The following AKAP6 variants were observed in gnomAD, a reference collection of about 807,000 sequenced individuals.
AKAP6 encodes A-kinase anchor protein 6.
AKAP6 carries 58 observed loss-of-function variants against 188.5 expected under a neutral mutation model. The ratio of observed to expected loss-of-function variants is 0.31; its 90% CI spans 0.25 to 0.38. AKAP6 has a LOEUF of 0.38. Ranked by LOEUF, AKAP6 falls within the 10% of genes least tolerant of loss-of-function variation. The pLI, the probability that AKAP6 is intolerant of heterozygous loss-of-function variation, is 1.00. For synonymous variants in AKAP6, 989 were observed against 998.6 expected, an observed-to-expected ratio of 0.99 and a Z score of 0.18; for missense variants, 2,710 against 2,740.0, an observed-to-expected ratio of 0.99 and a Z score of 0.24.
chr14:32,657,487 T>A (rs1888504853), intron 7 of AKAP6, among the ~76,000 whole-genome samples: 1 of 152,182 alleles, frequency 6.6e-6, no homozygotes, highest in South Asian at 2.1e-4. Flanking sequence ...TTTGAGATTT[T>A]CAGTTTAGAT....
At position 32,465,014 on chromosome 14, in the gene AKAP6, A is replaced by T. The variant is rs530324000; in HGVS notation, c.324+31197A>T. 1.3e-4 allele frequency among the ~76,000 whole-genome samples: 20 copies of T among 152,246 alleles called. No homozygotes were observed. In the East Asian group the frequency reaches 3.5e-3, roughly 26 times the overall value. On this transcript the variant is annotated intron_variant, in intron 2 of 13. Transcript: ENST00000280979. ...ACTGCTACAAAGAGAATAAAATACC[A>T]AGAAATAAAACTTACAAGGGATGCG...
chr14:32,781,124 G>GA (rs1253091766), intron 12 of AKAP6, among the ~76,000 whole-genome samples: 2 of 150,932 alleles, frequency 1.3e-5, no homozygotes, highest in East Asian at 1.9e-4. Context: ...AAATAATAAA[G>GA]AAAAAAATCA....
intron 2 of AKAP6, among the ~76,000 whole-genome samples, chr14:32,466,155 G>A (rs975773469): frequency 6.6e-6 from 1 of 152,192 alleles, no homozygotes. Flanking sequence ...AGCCATTGTG[G>A]AAGACAGTGT....
chr14:32,748,487 A>G (rs2031998999), intron 11 of AKAP6, among the ~76,000 whole-genome samples: 1 of 152,192 alleles, frequency 6.6e-6, no homozygotes, highest in South Asian at 2.1e-4. Context: ...AAAGCATGAA[A>G]CTGTACTTTC....
chr14:32,476,227 A>G (rs1879059711), intron 2 of AKAP6, among the ~76,000 whole-genome samples: 1 of 152,160 alleles, frequency 6.6e-6, no homozygotes, highest in Non-Finnish European at 1.5e-5. Flanking sequence ...AGTAAACACA[A>G]GTGACAAAAA....
At chr14:32,821,347 T>G (rs2034512783) in intron 12 of AKAP6, 55 bp from the exon 13 acceptor site, 3 of 1,511,842 alleles carry the variant, frequency 2.0e-6, no homozygotes, top group Non-Finnish European at 2.7e-6. Flanking sequence ...TGGATAAAAT[T>G]TTCATGCTTG....
At chr14:32,775,948 T>A (rs1361857915) in intron 12 of AKAP6, among the ~76,000 whole-genome samples, 4 of 152,198 alleles carry the variant, frequency 2.6e-5, no homozygotes, top group Non-Finnish European at 4.4e-5. Flanking sequence ...AGAAAAGGAA[T>A]GAAGAGAGTG....
rs146835389 is a variant in AKAP6 at position 32,755,094 on chromosome 14, C to T, written c.3373-18584C>T. Among the ~76,000 whole-genome samples, 259 of 152,192 alleles carry T rather than the reference C, an allele frequency of 1.7e-3. 1 individual carries two copies. Among genetic ancestry groups the T allele is most frequent in the African/African-American group, 5.6e-3 (234 of 41,526 alleles). On this transcript the variant is annotated intron_variant, in intron 11 of 13. Transcript: ENST00000280979. ...TGTTTCTTTAAATAAGCTTTTTGCC[C>T]CCTTCTCTGGCTTTGCTTATTCTGA...
In AKAP6 at chr14:32,430,726, C is replaced by T. The variant is rs185969967; in HGVS notation, c.-34-2734C>T. On this transcript the variant is annotated intron_variant, in intron 1 of 13. Coordinates refer to ENST00000280979, the MANE Select transcript of AKAP6 (RefSeq NM_004274.5). ...TTCTTGACCTAGAAACCTTATTAAC[C>T]TTTATGTATCAGATTCCTTCTATAG... 3.5e-3 allele frequency among the ~76,000 whole-genome samples: 529 copies of T among 152,234 alleles called. 3 individuals carry two copies. The highest frequency in any genetic ancestry group is 0.011 in the African/African-American group (463 of 41,544).
chr14:32,750,411 G>C (rs1214762093), intron 11 of AKAP6, among the ~76,000 whole-genome samples: 2 of 151,670 alleles, frequency 1.3e-5, no homozygotes, highest in Non-Finnish European at 2.9e-5. Flanking sequence ...TATTTCTTTT[G>C]ACATTTGCAT....
intron 9 of AKAP6, chr14:32,726,187 C>T (rs142284327): frequency 0.02 from 19,412 of 982,830 alleles, 260 homozygotes; most frequent in Non-Finnish European, 0.022. Context: ...GGACAAACAA[C>T]ACCTGAAGAT....
chr14:32,746,325 A>G (rs751655505), intron 11 of AKAP6, among the ~76,000 whole-genome samples: 43 of 152,256 alleles, frequency 2.8e-4, no homozygotes, highest in African/African-American at 1.0e-3. Context: ...GGCCCTCTAC[A>G]TAGTACCTGG....
chr14:32,621,684 G>C (rs1311409390), intron 7 of AKAP6, among the ~76,000 whole-genome samples: 1 of 152,000 alleles, frequency 6.6e-6, no homozygotes, highest in Non-Finnish European at 1.5e-5. Flanking sequence ...TATCTGTTAG[G>C]TCTATTTGTT....
At chr14:32,720,809 A>C (rs990317471) in intron 9 of AKAP6, among the ~76,000 whole-genome samples, 3 of 152,154 alleles carry the variant, frequency 2.0e-5, no homozygotes, top group African/African-American at 7.2e-5. Context: ...CATGCCTGTG[A>C]ATAGCCAACT....
Position 32,537,363 on chromosome 14 carries a change from C to A in AKAP6, c.576+1558C>A, listed in dbSNP as rs549967593. The stretch of plus-strand genomic sequence containing the variant: ...AGATGCCATCCCTCCCAAGTTAGAT[C>A]CCTAGAGGGTTCTCAACTGGGACTG... On this transcript the variant is annotated intron_variant, in intron 3 of 13. Coordinates refer to ENST00000280979, the MANE Select transcript of AKAP6 (RefSeq NM_004274.5). Among the ~76,000 whole-genome samples, 5 of 152,236 alleles carry A rather than the reference C, an allele frequency of 3.3e-5. No homozygotes were observed. In the East Asian group the frequency reaches 9.6e-4, roughly 29 times the overall value.
At chr14:32,599,637 C>A in intron 6 of AKAP6, 131 bp downstream of exon 6, 2 of 642,732 alleles carry the variant, frequency 3.1e-6, no homozygotes, top group South Asian at 2.9e-5. Flanking sequence ...GATTGACCTT[C>A]AAGATTTATA....
At chr14:32,572,346 T>C (rs1884529331) in intron 4 of AKAP6, among the ~76,000 whole-genome samples, 2 of 152,358 alleles carry the variant, frequency 1.3e-5, no homozygotes, top group African/African-American at 4.8e-5. Context: ...ATTTTCCACT[T>C]TATTTTAATC....
intron 2 of AKAP6, among the ~76,000 whole-genome samples, chr14:32,510,244 A>G (rs1566546150): frequency 6.6e-6 from 1 of 151,542 alleles, no homozygotes; most frequent in Non-Finnish European, 1.5e-5. Context: ...CTATTTTTAA[A>G]ATGCTAGATC....
chr14:32,578,458 G>A (rs765188632), intron 5 of AKAP6, among the ~76,000 whole-genome samples: 10 of 151,944 alleles, frequency 6.6e-5, no homozygotes, highest in Non-Finnish European at 1.2e-4. Context: ...TCTTGTACAT[G>A]GGTTTTTATA....
Sources: allele counts gnomAD v4.1 joint callset (sites outside exome capture counted in the v4.1 genomes callset), GRCh38; gene constraint gnomAD v4.1.1; transcripts MANE v1.5; gene names NCBI Gene and HGNC (gene_info 2026-07-23, HGNC 2026-07-21).